The following PCDH15 variants were observed in gnomAD, a reference collection of about 807,000 sequenced individuals.
PCDH15 encodes the protein protocadherin-15.
Under a neutral mutation model 178.5 loss-of-function variants are expected in PCDH15, and 129 were observed. The observed-to-expected ratio is 0.72, with a 90% CI of 0.63 to 0.84. PCDH15 has a LOEUF of 0.84. Among genes scored for constraint, PCDH15 ranks in the 40% least tolerant of loss-of-function variants. The pLI is 0.00. For synonymous variants in PCDH15, 800 were observed against 732.0 expected (o/e 1.09, Z -1.50); for missense variants, 2,230 against 2,099.9 (o/e 1.06, Z -1.21).
intron 2 of PCDH15, among the ~76,000 whole-genome samples, chr10:55,438,273 A>C (rs571698902): frequency 6.6e-6 from 1 of 152,242 alleles, no homozygotes; most frequent in South Asian, 2.1e-4. Flanking sequence ...CCATCTAAGC[A>C]TATGTTACAG....
intron 1 of PCDH15, among the ~76,000 whole-genome samples, chr10:54,747,405 G>T (rs1198863652): frequency 6.6e-6 from 1 of 152,150 alleles, no homozygotes; most frequent in African/African-American, 2.4e-5. Context: ...ATAAATAGGT[G>T]AACTAATTAA....
chr10:55,249,763 A>G (rs1841785649), intron 1 of PCDH15, among the ~76,000 whole-genome samples: 1 of 152,012 alleles, frequency 6.6e-6, no homozygotes, highest in Admixed American at 6.6e-5. Context: ...TTGTCATGTA[A>G]TTATATATGT....
intron 8 of PCDH15, among the ~76,000 whole-genome samples, chr10:54,255,982 T>A: frequency 6.6e-6 from 1 of 152,102 alleles, no homozygotes; most frequent in Non-Finnish European, 1.5e-5. Flanking sequence ...GAAATAAACA[T>A]CTGATAATTG....
At chr10:55,088,293 GA>G (rs1418092111) in intron 2 of PCDH15, among the ~76,000 whole-genome samples, 1 of 150,936 alleles carries the variant, frequency 6.6e-6, no homozygotes, top group African/African-American at 2.4e-5. Flanking sequence ...TTTTGAGACA[GA>G]GTCTTACTCT....
At chr10:55,266,798 A>T (rs1842309894) in intron 1 of PCDH15, among the ~76,000 whole-genome samples, 1 of 152,150 alleles carries the variant, frequency 6.6e-6, no homozygotes, top group Non-Finnish European at 1.5e-5. Context: ...GACCCCAGCC[A>T]CTAAGCGGCC....
chr10:54,827,496 A>G lies in PCDH15; in HGVS notation c.-29+69954T>C, dbSNP rs538239373. 2.4e-3 allele frequency among the ~76,000 whole-genome samples: 367 copies of G among 152,162 alleles called. 1 individual carries two copies. The highest frequency in any genetic ancestry group is 4.0e-3 in the Non-Finnish European group (272 of 67,982). ...TCATTCTGCTAATTTTCAATATTGT[A>G]CTTTTTAATTTTAATTATTTTCATC... On this transcript the variant is annotated intron_variant, in intron 3 of 5. Transcript: ENST00000458638.
At chr10:54,151,770 G>A (rs2044562404) in intron 14 of PCDH15, among the ~76,000 whole-genome samples, 1 of 152,060 alleles carries the variant, frequency 6.6e-6, no homozygotes, top group African/African-American at 2.4e-5. Context: ...AATCTCTTGT[G>A]TTCCTAATAA....
chr10:55,198,555 C>T (rs1840156744), intron 1 of PCDH15, among the ~76,000 whole-genome samples: 1 of 152,076 alleles, frequency 6.6e-6, no homozygotes, highest in Non-Finnish European at 1.5e-5. Context: ...GGCGCGATAA[C>T]AGCTCACTGC....
At chr10:54,900,896 T>C (rs1055679204) in intron 2 of PCDH15, among the ~76,000 whole-genome samples, 5 of 152,246 alleles carry the variant, frequency 3.3e-5, no homozygotes, top group African/African-American at 1.2e-4. Context: ...ATAGTATTGG[T>C]CAACAGGCAA....
intron 15 of PCDH15, among the ~76,000 whole-genome samples, chr10:54,105,656 A>C (rs1429940054): frequency 2.0e-5 from 3 of 152,004 alleles, no homozygotes; most frequent in African/African-American, 7.2e-5. Flanking sequence ...CACTAACTCA[A>C]ATGTTAATCA....
chr10:55,509,271 C>T (rs1840828252), intron 2 of PCDH15, among the ~76,000 whole-genome samples: 1 of 151,716 alleles, frequency 6.6e-6, no homozygotes, highest in Non-Finnish European at 1.5e-5. Flanking sequence ...TGCTGCAATA[C>T]AGTGTTGAAA....
At chr10:55,404,073 G>C (rs979145363) in intron 2 of PCDH15, among the ~76,000 whole-genome samples, 6 of 151,966 alleles carry the variant, frequency 3.9e-5, no homozygotes, top group South Asian at 4.1e-4. Context: ...CAATTACTGA[G>C]ATGTAAATAT....
intron 20 of PCDH15, among the ~76,000 whole-genome samples, chr10:54,012,854 T>C (rs10763044): frequency 0.41 from 62,398 of 151,968 alleles, 14,354 homozygotes; most frequent in Middle Eastern, 0.65. Flanking sequence ...TCTGACACTA[T>C]AAAGCAATGA....
upstream of PCDH15, among the ~76,000 whole-genome samples, chr10:55,322,806 G>C (rs548995379): frequency 2.6e-5 from 4 of 151,044 alleles, no homozygotes; most frequent in South Asian, 6.4e-4. Flanking sequence ...AAAAAAAATG[G>C]GGGGGGAGAA....
At chr10:54,107,401 C>T (rs1051701858) in intron 15 of PCDH15, among the ~76,000 whole-genome samples, 2 of 152,070 alleles carry the variant, frequency 1.3e-5, no homozygotes, top group Non-Finnish European at 2.9e-5. Context: ...GCTCCTATTG[C>T]GGGTATGGGC....
intron 2 of PCDH15, among the ~76,000 whole-genome samples, chr10:55,161,862 A>G (rs1166711045): frequency 4.6e-5 from 7 of 152,146 alleles, no homozygotes; most frequent in Non-Finnish European, 1.5e-5. Context: ...CTCTTCAAGT[A>G]ATTGCCTCAT....
At position 54,345,849 on chromosome 10, in the gene PCDH15, T is replaced by G. The variant is rs1352735686; in HGVS notation, c.594+516A>C. On this transcript the variant is annotated intron_variant, in intron 6 of 37. Transcript: ENST00000644397. ...AAAAAAAAAAAGAAATCATCTTGTC[T>G]AATGGAAAAAAAGGAAGAAAAACAA... is the stretch of plus-strand genomic sequence containing the variant. Among the ~76,000 whole-genome samples the G allele has an allele frequency of 3.8e-5, 5 of 130,694 alleles. No individual in the cohort carries two copies. The East Asian group carries it at 1.2e-3, about 31-fold the overall frequency. The allele number at this position is 130,694 out of a possible 152,430, so 85.7% of individuals were successfully genotyped here.
Position 53,806,590 on chromosome 10 carries a change from T to A in PCDH15, c.5212A>T (p.Thr1738Ser). ...GPWNNLHIPM[T>S]KL ...TTTTAAAAAATTGGTCACAGTTTTGTCATTGGTATATGGAGGTTGTTCCAG... is the reference window on the plus strand; with the variant it reads ...TTTTAAAAAATTGGTCACAGTTTTGACATTGGTATATGGAGGTTGTTCCAG... Residue 1738 changes from threonine to serine, a missense_variant, in exon 38 of 38, where the codon ACA becomes TCA. By Grantham distance (58) the Thr-to-Ser change is moderately conservative (BLOSUM62 1). Coordinates refer to ENST00000644397, the MANE Select transcript of PCDH15 (RefSeq NM_001384140.1). The A allele has an allele frequency of 1.3e-6, 2 of 1,599,652 alleles. No homozygotes were observed. The highest frequency in any genetic ancestry group is 1.7e-6 in the Non-Finnish European group (2 of 1,171,042).
intron 3 of PCDH15, among the ~76,000 whole-genome samples, chr10:54,893,299 T>C (rs906368438): frequency 6.6e-6 from 1 of 152,162 alleles, no homozygotes; most frequent in African/African-American, 2.4e-5. Flanking sequence ...TGTATTATAA[T>C]GCACTGAAAA....
Sources: allele counts gnomAD v4.1 joint callset (sites outside exome capture counted in the v4.1 genomes callset), GRCh38; gene constraint gnomAD v4.1.1; transcripts MANE v1.5; gene names NCBI Gene and HGNC (gene_info 2026-07-23, HGNC 2026-07-21).